Variants in ELF5 observed in about 807,000 individuals in gnomAD.
ELF5 encodes ETS-related transcription factor Elf-5.
ELF5 carries 31 observed loss-of-function variants against 38.2 expected under a neutral mutation model. That is an observed-to-expected ratio of 0.81 (90% confidence interval 0.61 to 1.10). The LOEUF is 1.10. Ranked by LOEUF, ELF5 falls within the 50% of genes least tolerant of loss-of-function variation. The probability of loss-of-function intolerance (pLI) is 0.00; values close to 1 mark genes in which losing one functional copy is unlikely to be tolerated. For synonymous variants in ELF5, 121 were observed against 112.5 expected, an observed-to-expected ratio of 1.08 and a Z score of -0.48; for missense variants, 300 against 306.6, an observed-to-expected ratio of 0.98 and a Z score of 0.16.
intron 1 of ELF5, among the ~76,000 whole-genome samples, chr11:34,509,395 G>A (rs1850696442): frequency 6.6e-6 from 1 of 152,194 alleles, no homozygotes; most frequent in South Asian, 2.1e-4. Context: ...ATATAACCGA[G>A]TTTGAATTCT....
intron 1 of ELF5, among the ~76,000 whole-genome samples, chr11:34,512,751 C>T (rs1311058011): frequency 2.0e-5 from 3 of 152,012 alleles, no homozygotes; most frequent in Non-Finnish European, 4.4e-5. Context: ...AACTCCGGCC[C>T]GAGAATACCT....
At chr11:34,499,793 A>G (rs1303785912) in intron 2 of ELF5, among the ~76,000 whole-genome samples, 2 of 152,150 alleles carry the variant, frequency 1.3e-5, no homozygotes, top group Non-Finnish European at 2.9e-5. Flanking sequence ...GGGACCTTCC[A>G]ATGGAAGTCA....
At chr11:34,513,291 G>C (rs1850809783) in intron 1 of ELF5, among the ~76,000 whole-genome samples, 1 of 152,208 alleles carries the variant, frequency 6.6e-6, no homozygotes, top group Admixed American at 6.5e-5. Context: ...TCAGTCAGGG[G>C]AGAAGGGTAG....
At chr11:34,500,136 C>T (rs1166793887) in intron 2 of ELF5, among the ~76,000 whole-genome samples, 2 of 152,180 alleles carry the variant, frequency 1.3e-5, no homozygotes, top group Non-Finnish European at 2.9e-5. Flanking sequence ...GGAAAAACTA[C>T]AGTAAAGCAA....
chr11:34,493,962 T>C (rs1397616418), intron 2 of ELF5, among the ~76,000 whole-genome samples: 2 of 152,078 alleles, frequency 1.3e-5, no homozygotes, highest in Non-Finnish European at 1.5e-5. Flanking sequence ...CCAGTCTTGG[T>C]GCTGATGCTC....
At chr11:34,481,298 A>G (rs1023946117) in intron 5 of ELF5, among the ~76,000 whole-genome samples, 5 of 152,150 alleles carry the variant, frequency 3.3e-5, no homozygotes, top group African/African-American at 1.2e-4. Context: ...TGCTGGGATT[A>G]CAGGTGTGAG....
At chr11:34,486,926 A>C (rs964449382) in intron 4 of ELF5, among the ~76,000 whole-genome samples, 6 of 152,336 alleles carry the variant, frequency 3.9e-5, no homozygotes, top group African/African-American at 1.4e-4. Flanking sequence ...GGACATCAGC[A>C]CTGAAAGGCA....
At position 34,479,251 on chromosome 11, in the gene ELF5, T is replaced by A. The variant is rs1535718; in HGVS notation, c.*967A>T. 0.9 allele frequency: 137,466 copies of A among 152,610 alleles called. 62,080 individuals are homozygous for A. The highest frequency in any genetic ancestry group is 0.97 in the Middle Eastern group (286 of 294). 9.5% of individuals were successfully genotyped at this position (152,610 alleles called of 1,614,324 possible). ...TTTATAAACGTTTAACATCTGGACCTGAGATGGAATCAATGAATTTCGATT... is the reference window on the plus strand; with the variant it reads ...TTTATAAACGTTTAACATCTGGACCAGAGATGGAATCAATGAATTTCGATT... On this transcript the variant is annotated 3_prime_UTR_variant, in exon 7 of 7. Transcript: ENST00000257832.
At chr11:34,502,237 C>T (rs1850490106) in intron 2 of ELF5, among the ~76,000 whole-genome samples, 1 of 152,224 alleles carries the variant, frequency 6.6e-6, no homozygotes, top group Admixed American at 6.5e-5. Flanking sequence ...AGTGCCTGCC[C>T]ATGAACCTGG....
chr11:34,505,126 C>G (rs765528160), intron 2 of ELF5, among the ~76,000 whole-genome samples: 49 of 152,188 alleles, frequency 3.2e-4, no homozygotes, highest in Non-Finnish European at 6.9e-4. Flanking sequence ...CACTTAGCCT[C>G]TCTGTATCTC....
intron 3 of ELF5, 65 bp from the exon 4 acceptor site, chr11:34,490,124 G>A: frequency 6.4e-7 from 1 of 1,570,510 alleles, no homozygotes; most frequent in Non-Finnish European, 8.8e-7. Context: ...GCCAGGCCAG[G>A]AGAGGGGGTG....
chr11:34,489,305 C>A (rs1260990822), intron 4 of ELF5, among the ~76,000 whole-genome samples: 1 of 152,152 alleles, frequency 6.6e-6, no homozygotes, highest in Non-Finnish European at 1.5e-5. Context: ...GCTTGCAGCC[C>A]TCAGAGGCCT....
At chr11:34,502,019 A>G (rs771869915) in intron 2 of ELF5, among the ~76,000 whole-genome samples, 7 of 152,238 alleles carry the variant, frequency 4.6e-5, no homozygotes, top group Admixed American at 2.6e-4. Flanking sequence ...TTTGTTCAAT[A>G]TGGACAATGA....
chr11:34,502,819 C>T lies in ELF5; in HGVS notation c.121+2810G>A, dbSNP rs528632390. ...TGGTGGGAGGAGAAGGCTGTGTCTT[C>T]GATATTGCCTGATGCAGGAATCACA... On this transcript the variant is annotated intron_variant, in intron 2 of 6. Transcript: ENST00000257832. Among the ~76,000 whole-genome samples the T allele has an allele frequency of 1.6e-4, 25 of 152,244 alleles. 1 individual carries two copies. Among genetic ancestry groups the T allele is most frequent in the African/African-American group, 6.0e-4 (25 of 41,558 alleles).
chr11:34,483,104 G>C (rs899553974), intron 4 of ELF5, among the ~76,000 whole-genome samples: 2 of 151,846 alleles, frequency 1.3e-5, no homozygotes, highest in African/African-American at 2.4e-5. Context: ...CCTGGCTTCA[G>C]GCTCTCCAGA....
chr11:34,509,933 C>T (rs555819137), intron 1 of ELF5, among the ~76,000 whole-genome samples: 3 of 152,184 alleles, frequency 2.0e-5, no homozygotes, highest in African/African-American at 4.8e-5. Context: ...CAAAACACGA[C>T]AGTGGGAATG....
intron 3 of ELF5, 72 bp from the exon 4 acceptor site, chr11:34,490,131 G>A: frequency 6.6e-7 from 1 of 1,525,758 alleles, no homozygotes; most frequent in Non-Finnish European, 9.1e-7. Flanking sequence ...CAGGAGAGGG[G>A]GTGTTGGAGG....
At chr11:34,509,056 G>A (rs543443285) in intron 1 of ELF5, among the ~76,000 whole-genome samples, 1 of 152,272 alleles carries the variant, frequency 6.6e-6, no homozygotes, top group South Asian at 2.1e-4. Context: ...GACGCCGGGT[G>A]CGGTGGTTCA....
intron 1 of ELF5, chr11:34,511,721 G>A (rs112344122): frequency 6.4e-6 from 6 of 930,592 alleles, no homozygotes; most frequent in African/African-American, 4.9e-5. Flanking sequence ...GCAATAACAG[G>A]TGTGGCTCCC....
Sources: gnomAD v4.1 joint callset for allele counts (sites outside exome capture counted in the v4.1 genomes callset) on GRCh38, gnomAD v4.1.1 for gene constraint, MANE v1.5 for transcripts, NCBI Gene and HGNC (gene_info 2026-07-23, HGNC 2026-07-21) for gene names.